HRH1: variants seen among roughly 807,000 people sequenced by gnomAD.
The protein encoded by HRH1 is histamine H1 receptor.
Under a neutral mutation model 10.3 loss-of-function variants are expected in HRH1, and 6 were observed. The observed-to-expected ratio is 0.58, with a 90% CI of 0.32 to 1.15. The LOEUF is 1.15. Among genes scored for constraint, HRH1 ranks in the 50% most tolerant of loss-of-function variants. The pLI, the probability that HRH1 is intolerant of heterozygous loss-of-function variation, is 0.05. For synonymous variants in HRH1, 242 were observed against 236.7 expected, an observed-to-expected ratio of 1.02 and a Z score of -0.21; for missense variants, 514 against 615.3, an observed-to-expected ratio of 0.84 and a Z score of 1.74.
At chr3:11,233,668 G>A (rs1245238657) in intron 1 of HRH1, among the ~76,000 whole-genome samples, 1 of 151,990 alleles carries the variant, frequency 6.6e-6, no homozygotes, top group Non-Finnish European at 1.5e-5. Context: ...AATCTTCATC[G>A]TCCAAACACA....
In HRH1 at chr3:11,259,081, G is replaced by T; in HGVS notation, c.44G>T (p.Cys15Phe). The change falls in exon 2 of 2, where the codon TGT becomes TTT. Residue 15 changes from cysteine to phenylalanine, a missense_variant. Coordinates refer to ENST00000431010, the MANE Select transcript of HRH1 (RefSeq NM_001098212.2). The surrounding 1 kb of genome is among the most constrained non-coding windows in gnomAD (Gnocchi z 4.6). ...TCCTGCCTCTTAGAAGACAAGATGT[G>T]TGAGGGCAACAAGACCACTATGGCC... Reference protein sequence around the residue: ...NSSCLLEDKMCEGNKTTMASP... With the variant: ...NSSCLLEDKMFEGNKTTMASP... 1 of 1,612,116 alleles carries T rather than the reference G, an allele frequency of 6.2e-7. No homozygotes were observed. The highest frequency in any genetic ancestry group is 8.5e-7 in the Non-Finnish European group (1 of 1,179,126).
At chr3:11,144,784 T>C (rs952011879) in intron 1 of HRH1, among the ~76,000 whole-genome samples, 1 of 151,906 alleles carries the variant, frequency 6.6e-6, no homozygotes, top group Non-Finnish European at 1.5e-5. Flanking sequence ...TCTTCCTGAA[T>C]TGCTTGAACC....
At chr3:11,184,870 A>T (rs1052421916) in intron 1 of HRH1, among the ~76,000 whole-genome samples, 8 of 149,058 alleles carry the variant, frequency 5.4e-5, no homozygotes, top group African/African-American at 2.0e-4. Context: ...GTGAGCGGAG[A>T]TCAGGCCACT....
intron 1 of HRH1, among the ~76,000 whole-genome samples, chr3:11,228,094 A>G (rs1043461506): frequency 1.6e-4 from 24 of 152,226 alleles, no homozygotes; most frequent in Non-Finnish European, 2.4e-4. Context: ...GTTGGGTCAG[A>G]ACTGTGGTGC....
intron 1 of HRH1, among the ~76,000 whole-genome samples, chr3:11,187,517 C>G (rs939471666): frequency 6.6e-6 from 1 of 152,282 alleles, no homozygotes; most frequent in East Asian, 1.9e-4. Context: ...GGGGCAAAAC[C>G]TACCCTGCTC....
intron 1 of HRH1, among the ~76,000 whole-genome samples, chr3:11,203,013 G>A (rs747736118): frequency 7.9e-5 from 12 of 152,240 alleles, no homozygotes; most frequent in South Asian, 2.1e-4. Context: ...AGTACGTAGC[G>A]TTTTCAGATG....
intron 1 of HRH1, among the ~76,000 whole-genome samples, chr3:11,208,981 T>C (rs1415870612): frequency 3.3e-5 from 5 of 152,128 alleles, no homozygotes. Flanking sequence ...ACCCCAGCCA[T>C]GAGATGCCAG....
intron 1 of HRH1, among the ~76,000 whole-genome samples, chr3:11,179,370 T>C (rs1469505631): frequency 2.0e-5 from 3 of 151,052 alleles, no homozygotes; most frequent in Admixed American, 6.6e-5. Flanking sequence ...CCTGTAATGC[T>C]AGCACTTTGG....
intron 1 of HRH1, among the ~76,000 whole-genome samples, chr3:11,243,209 C>T (rs537684462): frequency 2.6e-5 from 4 of 152,288 alleles, no homozygotes; most frequent in African/African-American, 4.8e-5. Flanking sequence ...CCCCTGCGCC[C>T]GACCCTGGGT....
At chr3:11,215,541 C>T (rs903363179) in intron 1 of HRH1, among the ~76,000 whole-genome samples, 33 of 152,148 alleles carry the variant, frequency 2.2e-4, no homozygotes, top group Middle Eastern at 3.2e-3. Context: ...CCCAGGCTGA[C>T]GCCATTCTCC....
At chr3:11,154,486 C>T (rs1395746823), upstream of HRH1, 2 of 366 alleles carry the variant, frequency 5.5e-3, no homozygotes, top group Admixed American at 0.17. The surrounding 1 kb of genome is among the most constrained non-coding windows in gnomAD (Gnocchi z 4.4). Context: ...CCGCCGCCGC[C>T]CCCGCGACAC....
intron 1 of HRH1, among the ~76,000 whole-genome samples, chr3:11,223,616 A>G (rs1000344888): frequency 2.0e-5 from 3 of 152,180 alleles, no homozygotes; most frequent in Non-Finnish European, 4.4e-5. Context: ...GTGTGGGGCA[A>G]AGAGGGGGAG....
At chr3:11,176,047 C>T (rs893610446) in intron 1 of HRH1, among the ~76,000 whole-genome samples, 3 of 151,910 alleles carry the variant, frequency 2.0e-5, no homozygotes, top group Non-Finnish European at 1.5e-5. Context: ...GTGGTACACA[C>T]CTGTAGTCCC....
chr3:11,201,515 C>G (rs1001064317), intron 1 of HRH1, among the ~76,000 whole-genome samples: 2 of 152,168 alleles, frequency 1.3e-5, no homozygotes, highest in African/African-American at 2.4e-5. Context: ...GAGGAAGTCA[C>G]TGTGTCCTGG....
chr3:11,157,247 A>T (rs961148725), intron 1 of HRH1, among the ~76,000 whole-genome samples: 1 of 152,244 alleles, frequency 6.6e-6, no homozygotes, highest in African/African-American at 2.4e-5. Context: ...ATTTGCCAGT[A>T]TCTGTTTCTC....
rs530845704 is a variant in HRH1 at position 11,212,444 on chromosome 3, C to T, written c.-35-46559C>T. ...GACATATTTCATGGAAGGGCTGAGACCCATCTGGGGCAGGCCTGGAAAATC... is the reference window on the plus strand; with the variant it reads ...GACATATTTCATGGAAGGGCTGAGATCCATCTGGGGCAGGCCTGGAAAATC... On this transcript the variant is annotated intron_variant, in intron 1 of 1. Transcript: ENST00000431010. 2.6e-5 allele frequency among the ~76,000 whole-genome samples: 4 copies of T among 152,224 alleles called. No homozygotes were observed. In the South Asian group the frequency reaches 8.3e-4, roughly 32 times the overall value.
Position 11,250,130 on chromosome 3 carries a change from A to C in HRH1, c.-35-8873A>C, listed in dbSNP as rs1228958662. Among the ~76,000 whole-genome samples the C allele has an allele frequency of 3.1e-5, 4 of 128,778 alleles. No individual in the cohort carries two copies. In the East Asian group the frequency reaches 6.9e-4, roughly 22 times the overall value. 84.5% of individuals were successfully genotyped at this position (128,778 alleles called of 152,430 possible). On this transcript the variant is annotated intron_variant, in intron 1 of 1. Coordinates refer to ENST00000431010, the MANE Select transcript of HRH1 (RefSeq NM_001098212.2). ...CGATCTCCGCTCACTGCAGGCTCCGACTCCCGCGTTCACGCCATTCTCCTG... is the reference window on the plus strand; with the variant it reads ...CGATCTCCGCTCACTGCAGGCTCCGCCTCCCGCGTTCACGCCATTCTCCTG...
intron 1 of HRH1, among the ~76,000 whole-genome samples, chr3:11,158,418 T>G (rs571996933): frequency 1.3e-5 from 2 of 152,338 alleles, no homozygotes; most frequent in African/African-American, 4.8e-5. Context: ...GAGGGGTTGG[T>G]GAAATAAGTT....
At chr3:11,248,960 G>A (rs541499155) in intron 1 of HRH1, among the ~76,000 whole-genome samples, 20 of 152,362 alleles carry the variant, frequency 1.3e-4, no homozygotes, top group African/African-American at 4.8e-4. Flanking sequence ...TTAGCTTGCG[G>A]ATGGAATATT....
Sources: gnomAD v4.1 joint callset for allele counts (sites outside exome capture counted in the v4.1 genomes callset) on GRCh38, gnomAD v4.1.1 for gene constraint, Gnocchi (gnomAD v3.1) non-coding constraint, MANE v1.5 for transcripts, NCBI Gene and HGNC (gene_info 2026-07-23, HGNC 2026-07-21) for gene names.